The following ALOX5AP variants were observed in gnomAD, a reference collection of about 807,000 sequenced individuals.
ALOX5AP encodes the protein arachidonate 5-lipoxygenase activating protein.
Under a neutral mutation model 18.5 loss-of-function variants are expected in ALOX5AP, and 9 were observed. The ratio of observed to expected loss-of-function variants is 0.49; its 90% CI spans 0.29 to 0.85. ALOX5AP has a LOEUF of 0.85. Ranked by LOEUF, ALOX5AP falls within the 40% of genes least tolerant of loss-of-function variation. The pLI is 0.08. For synonymous variants in ALOX5AP, 81 were observed against 78.6 expected (o/e 1.03, Z -0.16); for missense variants, 172 against 202.5 (o/e 0.85, Z 0.91).
chr13:30,725,265 G>A lies in ALOX5AP; in HGVS notation c.117-10286G>A, dbSNP rs140332139. Among the ~76,000 whole-genome samples, 95 of 152,318 alleles carry A rather than the reference G, an allele frequency of 6.2e-4. No homozygotes were observed. In the East Asian group the frequency reaches 0.018, roughly 28 times the overall value. ...AAGGAGTCCTGGGGAAGAGGCATAT[G>A]GATACCTCTGAACACACACAAAACA... On this transcript the variant is annotated intron_variant, in intron 1 of 5. Transcript: ENST00000617770.
chr13:30,740,982 C>T (rs926001838), intron 1 of ALOX5AP, among the ~76,000 whole-genome samples: 44 of 152,110 alleles, frequency 2.9e-4, no homozygotes, highest in African/African-American at 1.1e-3. Context: ...AAAGTCATCC[C>T]TCGGTATCCC....
intron 2 of ALOX5AP, among the ~76,000 whole-genome samples, chr13:30,749,145 T>C (rs1209973898): frequency 6.6e-6 from 1 of 152,238 alleles, no homozygotes; most frequent in Admixed American, 6.5e-5. Flanking sequence ...AGGCTGACCA[T>C]GTTTTATTAG....
At chr13:30,752,018 T>C (rs200245621) in intron 2 of ALOX5AP, 34 bp from the exon 3 acceptor site, 2 of 1,604,556 alleles carry the variant, frequency 1.2e-6, no homozygotes, top group Non-Finnish European at 1.7e-6. Context: ...ACTTGGTCTC[T>C]GATTGTTTTT....
intron 3 of ALOX5AP, among the ~76,000 whole-genome samples, chr13:30,754,235 G>A (rs1465900631): frequency 5.0e-5 from 7 of 139,596 alleles, no homozygotes; most frequent in East Asian, 4.1e-4. Context: ...GTGAAACTCC[G>A]TCTCAAAAAG....
intron 1 of ALOX5AP, among the ~76,000 whole-genome samples, chr13:30,719,805 C>T (rs1243138793): frequency 6.6e-6 from 1 of 151,962 alleles, no homozygotes; most frequent in Non-Finnish European, 1.5e-5. Flanking sequence ...CAATCACAGC[C>T]TGAGAACAGT....
intron 1 of ALOX5AP, among the ~76,000 whole-genome samples, chr13:30,725,719 A>G (rs1951634431): frequency 6.6e-6 from 1 of 152,244 alleles, no homozygotes; most frequent in Non-Finnish European, 1.5e-5. Context: ...CAAACCTACC[A>G]TCCATGGGCT....
intron 4 of ALOX5AP, among the ~76,000 whole-genome samples, chr13:30,758,398 G>A (rs1224303244): frequency 6.6e-6 from 1 of 152,178 alleles, no homozygotes; most frequent in Non-Finnish European, 1.5e-5. Context: ...CACCAACCGA[G>A]GAGGAATTGC....
At chr13:30,731,094 G>A (rs952632631), upstream of ALOX5AP, among the ~76,000 whole-genome samples, 3 of 152,168 alleles carry the variant, frequency 2.0e-5, no homozygotes, top group Non-Finnish European at 2.9e-5. Context: ...CTTTGCTAAC[G>A]GTCAGATGTC....
At chr13:30,741,798 C>T (rs1951767690) in intron 1 of ALOX5AP, among the ~76,000 whole-genome samples, 1 of 145,374 alleles carries the variant, frequency 6.9e-6, no homozygotes, top group South Asian at 2.2e-4. Context: ...GAAAAAAAAT[C>T]TGTACATGTT....
At chr13:30,741,210 C>T (rs1307662404) in intron 1 of ALOX5AP, among the ~76,000 whole-genome samples, 1 of 139,832 alleles carries the variant, frequency 7.2e-6, no homozygotes, top group Non-Finnish European at 1.5e-5. Context: ...GCAAGCTCCG[C>T]CTCCCGGGTT....
In ALOX5AP at chr13:30,763,546, C is replaced by T. The variant is rs116610123; in HGVS notation, c.324-398C>T. Among the ~76,000 whole-genome samples, 1,067 of 152,300 alleles carry T rather than the reference C, an allele frequency of 7.0e-3. 12 individuals are homozygous for T. Among genetic ancestry groups the T allele is most frequent in the African/African-American group, 0.022 (934 of 41,556 alleles). ...TTCTAACACAGTCCTGCATTACACACGTGTCTGTCGTTATGGGCAGCTGCA... is the reference window on the plus strand; with the variant it reads ...TTCTAACACAGTCCTGCATTACACATGTGTCTGTCGTTATGGGCAGCTGCA... On this transcript the variant is annotated intron_variant, in intron 4 of 4. Transcript: ENST00000380490.
intron 1 of ALOX5AP, among the ~76,000 whole-genome samples, chr13:30,727,920 T>C (rs1593429517): frequency 1.3e-5 from 2 of 152,254 alleles, no homozygotes; most frequent in South Asian, 4.1e-4. Context: ...GATTTTAGGA[T>C]TCAGCACCAG....
intron 4 of ALOX5AP, among the ~76,000 whole-genome samples, chr13:30,758,974 C>A (rs367599180): frequency 7.0e-4 from 106 of 152,208 alleles, no homozygotes; most frequent in East Asian, 1.4e-3. Flanking sequence ...TGCACTACCA[C>A]ACCCAGCTAA....
At chr13:30,731,614 T>C (rs924004994), upstream of ALOX5AP, among the ~76,000 whole-genome samples, 5 of 152,166 alleles carry the variant, frequency 3.3e-5, no homozygotes, top group Admixed American at 3.3e-4. Context: ...AGCCATCCTC[T>C]AGCCTCGGCC....
intron 1 of ALOX5AP, 88 bp downstream of exon 1, chr13:30,735,763 G>C: frequency 6.8e-7 from 1 of 1,465,148 alleles, no homozygotes; most frequent in Non-Finnish European, 9.4e-7. Flanking sequence ...AATTGTGTCT[G>C]TGTGTGCGCA....
intron 1 of ALOX5AP, chr13:30,713,855 T>C (rs750256472): frequency 3.6e-5 from 55 of 1,533,934 alleles, no homozygotes; most frequent in East Asian, 2.0e-4. Context: ...TGTGTGTGTG[T>C]GCGCGCACAC....
At chr13:30,758,359 C>G (rs1951913414) in intron 4 of ALOX5AP, among the ~76,000 whole-genome samples, 1 of 152,218 alleles carries the variant, frequency 6.6e-6, no homozygotes, top group African/African-American at 2.4e-5. Context: ...ACACCTAATG[C>G]TCTTGGGACC....
chr13:30,739,428 G>GAT (rs1337153819), intron 1 of ALOX5AP, among the ~76,000 whole-genome samples: 6 of 152,192 alleles, frequency 3.9e-5, no homozygotes, highest in East Asian at 3.9e-4. Context: ...AGTGAATAAA[G>GAT]ATATATATAT....
upstream of ALOX5AP, chr13:30,735,476 G>A: frequency 2.3e-6 from 3 of 1,327,630 alleles, no homozygotes; most frequent in South Asian, 3.9e-5. Flanking sequence ...AGAAGGCACT[G>A]TGTAATTGTG....
Sources: allele counts gnomAD v4.1 joint callset (sites outside exome capture counted in the v4.1 genomes callset), GRCh38; gene constraint gnomAD v4.1.1; transcripts MANE v1.5; gene names NCBI Gene and HGNC (gene_info 2026-07-23, HGNC 2026-07-21).